PEX5: variants seen among roughly 807,000 people sequenced by gnomAD.
PEX5 encodes the protein PTS1 receptor.
Under a neutral mutation model 82.9 loss-of-function variants are expected in PEX5, and 52 were observed. The observed-to-expected ratio is 0.63, with a 90% CI of 0.50 to 0.79. The LOEUF is 0.79. PEX5 is among the 30% of genes least tolerant of loss of function. The probability of loss-of-function intolerance (pLI) is 0.00; values close to 1 mark genes in which losing one functional copy is unlikely to be tolerated. For synonymous variants in PEX5, 300 were observed against 318.8 expected, an observed-to-expected ratio of 0.94 and a Z score of 0.63; for missense variants, 719 against 815.2, an observed-to-expected ratio of 0.88 and a Z score of 1.44.
chr12:7,213,035 C>A (rs1234331362), downstream of PEX5, among the ~76,000 whole-genome samples: 2 of 152,032 alleles, frequency 1.3e-5, no homozygotes, highest in Non-Finnish European at 2.9e-5. Context: ...TGAAGGACCT[C>A]TTCAAGGAGA....
intron 10 of PEX5, among the ~76,000 whole-genome samples, chr12:7,205,549 A>G (rs1415641181): frequency 2.0e-5 from 3 of 152,198 alleles, no homozygotes; most frequent in African/African-American, 7.2e-5. Flanking sequence ...CTGCAGTTTG[A>G]TCCTATGAGA....
Position 7,200,934 on chromosome 12 carries a change from T to C in PEX5, c.552-817T>C, listed in dbSNP as rs765562565. Among the ~76,000 whole-genome samples the C allele has an allele frequency of 2.0e-5, 3 of 151,368 alleles. No homozygotes were observed. The East Asian group carries it at 5.8e-4, about 29-fold the overall frequency. ...GAGGGAGAGGGAGAGGGAGAGGGCT[T>C]ACTTTATTCTTTAAGATTTCCCCTT... On this transcript the variant is annotated intron_variant, in intron 6 of 15. Transcript: ENST00000675855.
At position 7,202,616 on chromosome 12, in the gene PEX5, C is replaced by T. The variant is rs747765156; in HGVS notation, c.758C>T (p.Thr253Ile). 9 of 1,613,680 alleles carry T rather than the reference C, an allele frequency of 5.6e-6. No homozygotes were observed. In the Admixed American group the frequency reaches 1.3e-4, roughly 24 times the overall value. ...GACCATCCTTTTTTGTCGCAGGGTACATCAGATGCCTGGGTTGACCAGTTC... is the reference window on the plus strand; with the variant it reads ...GACCATCCTTTTTTGTCGCAGGGTATATCAGATGCCTGGGTTGACCAGTTC... ...WAAEFIQQQG[T>I]SDAWVDQFTR... The change falls in exon 9 of 16, where the codon ACA becomes ATA. Residue 253 changes from threonine to isoleucine, a missense_variant. Thr to Ile is a moderately conservative substitution (Grantham distance 89). Coordinates refer to ENST00000675855, the MANE Select transcript of PEX5 (RefSeq NM_001351132.2).
Position 7,203,201 on chromosome 12 carries a change from C to G in PEX5, c.847-231C>G, listed in dbSNP as rs1372853862. Among the ~76,000 whole-genome samples the G allele has an allele frequency of 4.7e-3, 59 of 12,640 alleles. 13 individuals carry two copies. Among genetic ancestry groups the G allele is most frequent in the Non-Finnish European group, 0.015 (47 of 3,186 alleles). 8.3% of individuals were successfully genotyped at this position (12,640 alleles called of 152,430 possible). A position where few individuals can be genotyped will look rare whatever the true frequency, so the allele number is the denominator to read the frequency against. ...AAACTATGCACTGCACTGCACTGCA[C>G]TGCACTGCACTGCACTGCACTACAT... On this transcript the variant is annotated intron_variant, in intron 9 of 15. Transcript: ENST00000675855.
In PEX5 at chr12:7,191,575, G is replaced by C. The variant is rs1392947474; in HGVS notation, c.323G>C (p.Gly108Ala). The C allele has an allele frequency of 5.0e-6, 8 of 1,614,078 alleles. No individual in the cohort carries two copies. The highest frequency in any genetic ancestry group is 1.3e-5 in the African/African-American group (1 of 75,034). ...TCTCTCTCTCTCTTTTAAGCCCCTGGTGTGGCAGACTTGGCCTTGTCTGAG... is the reference window on the plus strand; with the variant it reads ...TCTCTCTCTCTCTTTTAAGCCCCTGCTGTGGCAGACTTGGCCTTGTCTGAG... ...NFRQAPQRAPGVADLALSENW... is the reference protein window; with the variant it reads ...NFRQAPQRAPAVADLALSENW... Residue 108 changes from glycine (G) to alanine (A), a missense_variant, in exon 5 of 16, where the codon GGT becomes GCT. Transcript: ENST00000675855.
downstream of PEX5, among the ~76,000 whole-genome samples, chr12:7,215,286 T>C (rs757172100): frequency 6.6e-6 from 1 of 152,228 alleles, no homozygotes; most frequent in East Asian, 1.9e-4. Flanking sequence ...AGGGGACTTA[T>C]ACTCTGTTGG....
chr12:7,191,192 C>G, intron 3 of PEX5, 34 bp from the exon 4 acceptor site: 1 of 1,614,084 alleles, frequency 6.2e-7, no homozygotes, highest in Non-Finnish European at 8.5e-7. Flanking sequence ...CCTCCCAAGC[C>G]TATGGGTTCA....
intron 9 of PEX5, among the ~76,000 whole-genome samples, chr12:7,202,954 C>T (rs1591761580): frequency 6.6e-6 from 1 of 151,818 alleles, no homozygotes; most frequent in African/African-American, 2.4e-5. Flanking sequence ...GTTAGGAGTT[C>T]GAGACCAGTC....
At chr12:7,199,301 A>T (rs1466007561) in intron 6 of PEX5, among the ~76,000 whole-genome samples, 188 bp downstream of exon 6, 3 of 150,952 alleles carry the variant, frequency 2.0e-5, no homozygotes, top group Admixed American at 2.0e-4. Flanking sequence ...AGGTCAGCAC[A>T]TAAGCAAGTG....
intron 6 of PEX5, 67 bp from the exon 7 acceptor site, chr12:7,201,684 G>A (rs1325837832): frequency 6.4e-6 from 7 of 1,089,444 alleles, no homozygotes; most frequent in South Asian, 6.3e-5. Context: ...CATGGGCTAG[G>A]AGTGGGGAGT....
chr12:7,205,368 T>C (rs781182364), intron 10 of PEX5, among the ~76,000 whole-genome samples: 2 of 152,264 alleles, frequency 1.3e-5, no homozygotes, highest in Non-Finnish European at 2.9e-5. Flanking sequence ...AACAAAGGAC[T>C]TGACTCTTGA....
intron 10 of PEX5, among the ~76,000 whole-genome samples, chr12:7,207,144 A>C: frequency 6.6e-6 from 1 of 152,196 alleles, no homozygotes; most frequent in Non-Finnish European, 1.5e-5. Flanking sequence ...AACATTTTCA[A>C]AATGCTTGAA....
chr12:7,199,102 C>T lies in PEX5; in HGVS notation c.540C>T (p.Ala180=), dbSNP rs2136075643. 3.1e-6 allele frequency: 5 copies of T among 1,591,832 alleles called. No individual in the cohort carries two copies. Among genetic ancestry groups the T allele is most frequent in the East Asian group, 4.5e-5 (2 of 44,370 alleles). ...KLWLGEPEGT[A]TDRWYDEYHP... ...GGCTGGGAGAACCTGAGGGAACAGC[C>T]ACCGATCGCTGGTGAGTTCAGATAC... The change falls in exon 6 of 16, where the codon GCC becomes GCT. Residue 180 remains alanine, a synonymous_variant. Transcript: ENST00000675855.
rs751595350 is a variant in PEX5 at position 7,191,543 on chromosome 12, T to G, written c.317-26T>G. 3 of 1,613,448 alleles carry G rather than the reference T, an allele frequency of 1.9e-6. No homozygotes were observed. The South Asian group carries it at 3.3e-5, about 18-fold the overall frequency. Reference sequence around the variant, plus strand: ...TGGAATGGTATGTATGTATTCTTTCTTAGTTTTCTCTCTCTCTCTTTTAAG... The same window carrying G: ...TGGAATGGTATGTATGTATTCTTTCGTAGTTTTCTCTCTCTCTCTTTTAAG... On this transcript the variant is annotated intron_variant, in intron 4 of 15. Coordinates refer to ENST00000675855, the MANE Select transcript of PEX5 (RefSeq NM_001351132.2).
chr12:7,190,552 GGTGC>G (rs1940869421), intron 2 of PEX5, 28 bp downstream of exon 2: 1 of 1,063,126 alleles, frequency 9.4e-7, no homozygotes, highest in Non-Finnish European at 1.1e-6. Flanking sequence ...GGAAAGCCCA[GGTGC>G]AGCCTCTGAG....
At chr12:7,194,904 A>G (rs1322403411) in intron 5 of PEX5, among the ~76,000 whole-genome samples, 1 of 152,238 alleles carries the variant, frequency 6.6e-6, no homozygotes, top group Non-Finnish European at 1.5e-5. Flanking sequence ...GAGCAGACTA[A>G]TGATAATAAC....
At chr12:7,197,393 T>TATATGTCATATACAATGTA (rs1565688650) in intron 5 of PEX5, among the ~76,000 whole-genome samples, 4,017 of 58,046 alleles carry the variant, frequency 0.069, 10 homozygotes, top group South Asian at 0.089. Flanking sequence ...ATGTAATAAT[T>TATATGTCATATACAATGTA]ATATATATGT....
downstream of PEX5, among the ~76,000 whole-genome samples, chr12:7,214,882 T>C (rs918202110): frequency 6.6e-6 from 1 of 151,754 alleles, no homozygotes; most frequent in Non-Finnish European, 1.5e-5. Flanking sequence ...ATCAGTATTA[T>C]ATTAGTCAAA....
downstream of PEX5, among the ~76,000 whole-genome samples, chr12:7,213,977 C>T (rs1200231728): frequency 8.5e-6 from 1 of 118,180 alleles, no homozygotes; most frequent in Non-Finnish European, 2.1e-5. Context: ...AAAAAATGCT[C>T]ACCATCACTG....
Sources: allele counts gnomAD v4.1 joint callset (sites outside exome capture counted in the v4.1 genomes callset), GRCh38; gene constraint gnomAD v4.1.1; transcripts MANE v1.5; gene names NCBI Gene and HGNC (gene_info 2026-07-23, HGNC 2026-07-21).